The following FAM193A variants were observed in gnomAD, a reference collection of about 807,000 sequenced individuals.
The protein encoded by FAM193A is family with sequence similarity 193 member A, also known as protein FAM193A.
FAM193A carries 22 observed loss-of-function variants against 126.5 expected under a neutral mutation model. The observed-to-expected ratio is 0.17, with a 90% CI of 0.12 to 0.25. FAM193A has a LOEUF of 0.25. Ranked by LOEUF, FAM193A falls within the 10% of genes least tolerant of loss-of-function variation. FAM193A has a pLI of 1.00. For missense variants in FAM193A, 1,675 were observed against 1,672.8 expected (o/e 1.00, Z -0.02); for synonymous variants, 761 against 646.8 (o/e 1.18, Z -2.68).
chr4:2,561,267 G>C (rs937533488), intron 1 of FAM193A, among the ~76,000 whole-genome samples: 5 of 151,988 alleles, frequency 3.3e-5, no homozygotes, highest in Non-Finnish European at 4.4e-5. Flanking sequence ...TGCAGCCTCT[G>C]CCTTCCGGGT....
chr4:2,600,553 C>T (rs1162917932), intron 2 of FAM193A, among the ~76,000 whole-genome samples: 7 of 152,172 alleles, frequency 4.6e-5, no homozygotes, highest in African/African-American at 1.4e-4. Flanking sequence ...GCTTCTTAGA[C>T]TACGTGTACC....
Position 2,536,699 on chromosome 4 carries a change from G to C in FAM193A, c.-217G>C, listed in dbSNP as rs1736892028. 1 of 151,268 alleles carries C rather than the reference G, an allele frequency of 6.6e-6. No individual in the cohort carries two copies. Among genetic ancestry groups the C allele is most frequent in the Admixed American group, 6.6e-5 (1 of 15,168 alleles). The allele number at this position is 151,268 out of a possible 1,614,324, so 9.4% of individuals were successfully genotyped here. A position where few individuals can be genotyped will look rare whatever the true frequency, so the allele number is the denominator to read the frequency against. On this transcript the variant is annotated 5_prime_UTR_variant, in exon 1 of 21. Transcript: ENST00000637812. ...TGGACTCTAACTCTGGTCAGCCGCG[G>C]CGCCGGGACTGTGGACTCGCGGTTC...
intron 1 of FAM193A, among the ~76,000 whole-genome samples, chr4:2,571,092 G>A (rs895650703): frequency 1.3e-5 from 2 of 152,268 alleles, no homozygotes; most frequent in African/African-American, 4.8e-5. Context: ...TTACCCATAG[G>A]CTCTGCTCTT....
chr4:2,668,310 T>A (rs955368197), intron 12 of FAM193A, among the ~76,000 whole-genome samples: 1 of 151,324 alleles, frequency 6.6e-6, no homozygotes, highest in Admixed American at 6.6e-5. Context: ...GCTTCCCAGG[T>A]TCAAGTGATT....
intron 20 of FAM193A, among the ~76,000 whole-genome samples, chr4:2,731,529 G>A (rs988641121): frequency 2.0e-5 from 3 of 151,952 alleles, no homozygotes; most frequent in Admixed American, 6.6e-5. Context: ...CAGATTAAAC[G>A]TTTCTTTTCT....
At chr4:2,723,952 C>T (rs1720449875) in intron 20 of FAM193A, among the ~76,000 whole-genome samples, 1 of 152,140 alleles carries the variant, frequency 6.6e-6, no homozygotes, top group South Asian at 2.1e-4. Flanking sequence ...AGGCGTGCTC[C>T]ACCACCCGCT....
intron 20 of FAM193A, among the ~76,000 whole-genome samples, chr4:2,718,955 A>C (rs1016979097): frequency 4.6e-5 from 7 of 152,210 alleles, no homozygotes; most frequent in Non-Finnish European, 8.8e-5. Context: ...ACATTTTAAC[A>C]GTTTTACCGA....
intron 1 of FAM193A, among the ~76,000 whole-genome samples, chr4:2,572,677 GT>G (rs1233120028): frequency 5.9e-5 from 9 of 152,104 alleles, no homozygotes; most frequent in African/African-American, 1.2e-4. Context: ...CCTAGAGGAA[GT>G]GGGGGAGCTC....
chr4:2,571,384 T>A (rs992890089), intron 1 of FAM193A, among the ~76,000 whole-genome samples: 94 of 152,110 alleles, frequency 6.2e-4, no homozygotes, highest in Admixed American at 6.2e-3. Flanking sequence ...CTGGTACTTG[T>A]TGGCACAGTG....
At chr4:2,696,238 C>G (rs995459167) in intron 17 of FAM193A, 125 bp from the exon 18 acceptor site, 2 of 658,322 alleles carry the variant, frequency 3.0e-6, no homozygotes, top group Non-Finnish European at 5.0e-6. Context: ...TGTTGTATTT[C>G]CTTATTTTTC....
chr4:2,535,525 G>A (rs2108792128), upstream of FAM193A, among the ~76,000 whole-genome samples: 1 of 152,362 alleles, frequency 6.6e-6, no homozygotes, highest in East Asian at 1.9e-4. Context: ...GTGCCTCTGT[G>A]TCTGTGGTAA....
chr4:2,561,977 T>C (rs992628269), intron 1 of FAM193A, among the ~76,000 whole-genome samples: 2 of 152,192 alleles, frequency 1.3e-5, no homozygotes, highest in African/African-American at 4.8e-5. Flanking sequence ...TATTATTGGT[T>C]TGTTTGCTAA....
At chr4:2,547,944 A>T (rs1012822956) in intron 1 of FAM193A, among the ~76,000 whole-genome samples, 3 of 151,900 alleles carry the variant, frequency 2.0e-5, no homozygotes, top group African/African-American at 7.3e-5. Context: ...TTTAATAAAT[A>T]GGTCTGTAGT....
In FAM193A at chr4:2,659,591, A is replaced by G. The variant is rs1465645050; in HGVS notation, c.1423A>G (p.Asn475Asp). The G allele has an allele frequency of 3.1e-6, 5 of 1,614,046 alleles. No individual in the cohort carries two copies. The highest frequency in any genetic ancestry group is 4.2e-6 in the Non-Finnish European group (5 of 1,180,012). Residue 475 changes from asparagine to aspartate, a missense_variant, in exon 9 of 21, where the codon AAC becomes GAC. Around this residue, in one of 4 missense-constraint regions of FAM193A, gnomAD observed 1,186 missense variants for 1,109.2 expected, o/e 1.07. Transcript: ENST00000637812. ...TAAGAAAGCAGTTACTGGCGAGAAC[A>G]ACTTCACAGACACCATGAGGCACAT... ...TNKKAVTGEN[N>D]FTDTMRHMLS...
chr4:2,717,480 C>T (rs913077244), intron 20 of FAM193A, among the ~76,000 whole-genome samples: 27 of 151,852 alleles, frequency 1.8e-4, no homozygotes, highest in Non-Finnish European at 2.8e-4. Flanking sequence ...CCTGTAATCC[C>T]AGCTACTCAG....
At chr4:2,615,964 A>C (rs1364667892) in intron 2 of FAM193A, among the ~76,000 whole-genome samples, 2 of 152,108 alleles carry the variant, frequency 1.3e-5, no homozygotes, top group African/African-American at 4.8e-5. Flanking sequence ...CATGCACGCC[A>C]CCATGCCCGG....
intron 7 of FAM193A, among the ~76,000 whole-genome samples, chr4:2,647,554 T>G (rs1259319710): frequency 6.6e-6 from 1 of 152,070 alleles, no homozygotes; most frequent in Non-Finnish European, 1.5e-5. Context: ...CATGCACAGG[T>G]GGCAGGTGGC....
chr4:2,673,880 C>CT (rs1714101949), intron 13 of FAM193A, among the ~76,000 whole-genome samples: 3 of 152,230 alleles, frequency 2.0e-5, no homozygotes, highest in Admixed American at 6.5e-5. Context: ...GGCTTTTGGC[C>CT]TTTTCTTAGG....
chr4:2,590,496 C>CAAAAAAAAACA (rs1451974979), intron 1 of FAM193A, among the ~76,000 whole-genome samples: 2 of 45,800 alleles, frequency 4.4e-5, no homozygotes, highest in East Asian at 6.1e-4. Context: ...CAAAAAAAAA[C>CAAAAAAAAACA]AAAAAAAAAC....
Sources: gnomAD v4.1 joint callset for allele counts (sites outside exome capture counted in the v4.1 genomes callset) on GRCh38, gnomAD v4.1.1 for gene constraint, gnomAD v4.1.1 regional missense constraint, MANE v1.5 for transcripts, NCBI Gene and HGNC (gene_info 2026-07-23, HGNC 2026-07-21) for gene names.